The following DPP10 variants were observed in gnomAD, a reference collection of about 807,000 sequenced individuals.
The protein encoded by DPP10 is inactive dipeptidyl peptidase 10.
A neutral mutation model predicts 120.9 loss-of-function variants in DPP10; 33 were observed. The ratio of observed to expected loss-of-function variants is 0.27; its 90% CI spans 0.21 to 0.37. The LOEUF (loss-of-function observed/expected upper bound fraction) is 0.37. Ranked by LOEUF, DPP10 falls within the 10% of genes least tolerant of loss-of-function variation. The pLI is 1.00. For missense variants in DPP10, 816 were observed against 942.8 expected, an observed-to-expected ratio of 0.87 and a Z score of 1.76; for synonymous variants, 337 against 326.1, an observed-to-expected ratio of 1.03 and a Z score of -0.36.
intron 1 of DPP10, among the ~76,000 whole-genome samples, chr2:115,103,457 G>A (rs1369943912): frequency 6.6e-6 from 1 of 152,068 alleles, no homozygotes; most frequent in African/African-American, 2.4e-5. Context: ...CAAAGTGCTG[G>A]GATTACAGGC....
At chr2:115,350,121 CAAAT>C (rs1317654989) in intron 3 of DPP10, among the ~76,000 whole-genome samples, 2 of 151,916 alleles carry the variant, frequency 1.3e-5, no homozygotes, top group African/African-American at 2.4e-5. Flanking sequence ...GGTATATGGT[CAAAT>C]AAATCAATTT....
chr2:115,605,392 C>CT (rs1221857478), intron 5 of DPP10, among the ~76,000 whole-genome samples: 1 of 152,030 alleles, frequency 6.6e-6, no homozygotes, highest in African/African-American at 2.4e-5. Context: ...TGTAAATGAT[C>CT]TTTTTAATTT....
chr2:115,766,157 C>T (rs192768228), intron 12 of DPP10, among the ~76,000 whole-genome samples: 3 of 151,516 alleles, frequency 2.0e-5, no homozygotes, highest in Non-Finnish European at 4.4e-5. Context: ...TACATACATA[C>T]ATAAGTATGT....
chr2:114,627,025 T>C (rs1236634740), intron 1 of DPP10, among the ~76,000 whole-genome samples: 1 of 152,086 alleles, frequency 6.6e-6, no homozygotes, highest in Non-Finnish European at 1.5e-5. Flanking sequence ...CTTTTCTTTT[T>C]TTTCTGTTAC....
chr2:115,122,167 C>T (rs2049858642), intron 1 of DPP10, among the ~76,000 whole-genome samples: 1 of 152,210 alleles, frequency 6.6e-6, no homozygotes, highest in Admixed American at 6.5e-5. Context: ...CCAGTGCTTA[C>T]TGGGTACCCA....
intron 1 of DPP10, among the ~76,000 whole-genome samples, chr2:114,663,125 G>A (rs898819185): frequency 3.9e-5 from 6 of 151,904 alleles, no homozygotes; most frequent in African/African-American, 1.5e-4. Context: ...AAAGGAAGCT[G>A]GTATAGGAAG....
At chr2:114,846,227 A>G (rs534885810) in intron 1 of DPP10, among the ~76,000 whole-genome samples, 61 of 152,304 alleles carry the variant, frequency 4.0e-4, no homozygotes, top group Non-Finnish European at 6.2e-4. Flanking sequence ...CTAAGAACCC[A>G]GTTTCACAAA....
intron 5 of DPP10, among the ~76,000 whole-genome samples, chr2:115,682,288 G>C (rs773266507): frequency 6.6e-6 from 1 of 151,878 alleles, no homozygotes; most frequent in African/African-American, 2.4e-5. Context: ...TGTGGAAGTT[G>C]CTTATTTGTG....
At chr2:114,589,695 C>T (rs1418593085) in intron 1 of DPP10, among the ~76,000 whole-genome samples, 2 of 152,114 alleles carry the variant, frequency 1.3e-5, no homozygotes, top group African/African-American at 4.8e-5. Flanking sequence ...CCAAATTTTT[C>T]ATTCAAAAAT....
intron 7 of DPP10, among the ~76,000 whole-genome samples, chr2:115,693,920 TATA>T (rs2091450753): frequency 6.6e-6 from 1 of 152,160 alleles, no homozygotes; most frequent in African/African-American, 2.4e-5. Flanking sequence ...GTATCTGGCC[TATA>T]ATAAGTATTT....
At chr2:114,565,693 C>G (rs1025462282) in intron 1 of DPP10, among the ~76,000 whole-genome samples, 1 of 152,190 alleles carries the variant, frequency 6.6e-6, no homozygotes, top group Non-Finnish European at 1.5e-5. Context: ...AAATAAATTC[C>G]TATCCCCAGG....
intron 5 of DPP10, among the ~76,000 whole-genome samples, chr2:115,607,381 GC>G (rs1261344047): frequency 6.6e-6 from 1 of 152,110 alleles, no homozygotes; most frequent in Non-Finnish European, 1.5e-5. Flanking sequence ...ACATATGAAA[GC>G]ACACATATTT....
chr2:114,532,362 T>C (rs1348074229), intron 1 of DPP10, among the ~76,000 whole-genome samples: 1 of 149,162 alleles, frequency 6.7e-6, no homozygotes, highest in Non-Finnish European at 1.5e-5. Flanking sequence ...ATACCATATA[T>C]ATATGTATAT....
At chr2:115,738,913 G>A (rs1449001552) in intron 8 of DPP10, among the ~76,000 whole-genome samples, 1 of 152,134 alleles carries the variant, frequency 6.6e-6, no homozygotes, top group Non-Finnish European at 1.5e-5. Flanking sequence ...GAGAACATTT[G>A]CTGAGGTTAA....
At chr2:114,830,324 A>G (rs1367767575) in intron 1 of DPP10, among the ~76,000 whole-genome samples, 1 of 151,972 alleles carries the variant, frequency 6.6e-6, no homozygotes, top group Non-Finnish European at 1.5e-5. Context: ...CTTTTCCCAA[A>G]TAGTCAAAGA....
chr2:115,339,062 G>A (rs1296777030), intron 2 of DPP10, among the ~76,000 whole-genome samples: 1 of 152,114 alleles, frequency 6.6e-6, no homozygotes, highest in African/African-American at 2.4e-5. Flanking sequence ...ATCTGACAAA[G>A]CATTTGTATT....
At chr2:115,478,323 A>T (rs532054318) in intron 3 of DPP10, among the ~76,000 whole-genome samples, 2 of 152,328 alleles carry the variant, frequency 1.3e-5, no homozygotes, top group South Asian at 4.1e-4. Context: ...AGTACTTTCA[A>T]CAAATGTCAT....
At chr2:115,284,043 A>ATATC (rs2105890130) in intron 1 of DPP10, among the ~76,000 whole-genome samples, 1 of 152,140 alleles carries the variant, frequency 6.6e-6, no homozygotes, top group South Asian at 2.1e-4. Context: ...GTCCTTCAGC[A>ATATC]ATATATAACT....
At chr2:114,524,943 G>T (rs1158421276) in intron 1 of DPP10, among the ~76,000 whole-genome samples, 2 of 152,086 alleles carry the variant, frequency 1.3e-5, no homozygotes, top group East Asian at 1.9e-4. Flanking sequence ...TTCTTTAAAT[G>T]TAGGCTTCCA....
Sources: allele counts gnomAD v4.1 joint callset (sites outside exome capture counted in the v4.1 genomes callset), GRCh38; gene constraint gnomAD v4.1.1; transcripts MANE v1.5; gene names NCBI Gene and HGNC (gene_info 2026-07-23, HGNC 2026-07-21).